The following DNAH5 variants were observed in gnomAD, a reference collection of about 807,000 sequenced individuals.
The protein encoded by DNAH5 is axonemal beta dynein heavy chain 5.
Under a neutral mutation model 518.2 loss-of-function variants are expected in DNAH5, and 372 were observed. That is an observed-to-expected ratio of 0.72 (90% CI 0.66 to 0.78). The LOEUF (loss-of-function observed/expected upper bound fraction) is 0.78, where lower values mean the gene tolerates loss of function less well. Ranked by LOEUF, DNAH5 falls within the 30% of genes least tolerant of loss-of-function variation. The pLI, the probability that DNAH5 is intolerant of heterozygous loss-of-function variation, is 0.00. For synonymous variants in DNAH5, 2,039 were observed against 2,025.9 expected (o/e 1.01, Z -0.17); for missense variants, 5,523 against 5,687.0 (o/e 0.97, Z 0.93).
chr5:13,732,576 C>T (rs1746756053), intron 68 of DNAH5, among the ~76,000 whole-genome samples: 1 of 151,996 alleles, frequency 6.6e-6, no homozygotes, highest in Non-Finnish European at 1.5e-5. Context: ...ACCATGTTGG[C>T]CAGGCTGGTC....
chr5:13,767,247 C>T (rs1404525850), intron 58 of DNAH5, among the ~76,000 whole-genome samples: 2 of 152,164 alleles, frequency 1.3e-5, no homozygotes, highest in Non-Finnish European at 2.9e-5. Context: ...GCCTCAGCCT[C>T]CTGAATAGCT....
At chr5:13,854,695 A>C (rs1386162075) in intron 30 of DNAH5, among the ~76,000 whole-genome samples, 1 of 120,740 alleles carries the variant, frequency 8.3e-6, no homozygotes, top group African/African-American at 2.9e-5. Context: ...AATGGAAAGC[A>C]AAGAAAAAGC....
chr5:13,882,655 G>T, intron 21 of DNAH5, 73 bp downstream of exon 21: 1 of 1,128,324 alleles, frequency 8.9e-7, no homozygotes, highest in South Asian at 1.3e-5. Flanking sequence ...TTACATGGAG[G>T]GGTTAAAAAA....
In DNAH5 at chr5:13,891,073, C is replaced by A. The variant is rs141969815; in HGVS notation, c.2480G>T (p.Arg827Leu). ...LDRVNDLIEF[R>L]IDAILEEMSS... The stretch of plus-strand genomic sequence containing the variant: ...CATTTCTTCTAGAATGGCATCAATG[C>A]GGAACTCAATCAAATCATTGACCCT... The change falls in exon 17 of 79, where the codon CGC (arginine) becomes CTC (leucine). Residue 827 changes from arginine to leucine, a missense_variant. Physicochemically the swap from Arg to Leu is moderately radical, Grantham distance 102 (BLOSUM62 -2). This residue lies in a region of DNAH5 where 5,121 missense variants were observed against 5,223.3 expected (regional missense o/e 0.98). Coordinates refer to ENST00000265104, the MANE Select transcript of DNAH5 (RefSeq NM_001369.3). 3.1e-6 allele frequency: 5 copies of A among 1,614,006 alleles called. No homozygotes were observed. The South Asian group carries it at 4.4e-5, about 14-fold the overall frequency.
rs1446141034 is a variant in DNAH5 at position 13,780,856 on chromosome 5, T to C, written c.8924A>G (p.Tyr2975Cys). Reference protein sequence around the residue: ...LTRLASFIAGYVSFQITLTRS... With the variant: ...LTRLASFIAGCVSFQITLTRS... ...CGTCAGAGTGATCTGGAAGGAAACGTAGCCAGCAATGAATGAAGCCAACCT... is the reference window on the plus strand; with the variant it reads ...CGTCAGAGTGATCTGGAAGGAAACGCAGCCAGCAATGAATGAAGCCAACCT... The change falls in exon 53 of 79, where the codon TAC becomes TGC. Residue 2975 changes from tyrosine (Y) to cysteine (C), a missense_variant. Around this residue, in one of 3 missense-constraint regions of DNAH5, gnomAD observed 5,121 missense variants for 5,223.3 expected, o/e 0.98. Transcript: ENST00000265104. 4 of 1,613,742 alleles carry C rather than the reference T, an allele frequency of 2.5e-6. No homozygotes were observed. The highest frequency in any genetic ancestry group is 3.4e-6 in the Non-Finnish European group (4 of 1,179,746).
intron 1 of DNAH5, among the ~76,000 whole-genome samples, chr5:13,971,530 T>G (rs943863624): frequency 6.6e-6 from 1 of 152,016 alleles, no homozygotes; most frequent in African/African-American, 2.4e-5. Flanking sequence ...CAAACTGCAG[T>G]GATTGTTATT....
rs556194663 is a variant in DNAH5, at chr5:13,691,165, G to C, written c.*819C>G. 16 of 152,026 alleles carry C rather than the reference G, an allele frequency of 1.1e-4. No homozygotes were observed. Among genetic ancestry groups the C allele is most frequent in the African/African-American group, 3.9e-4 (16 of 41,482 alleles). 9.4% of individuals were successfully genotyped at this position (152,026 alleles called of 1,614,324 possible). Reference sequence around the variant, plus strand: ...CTGTTATTAAATGCAATTTTATATAGACTGTTTTCAGTCTTTTAAATTGTT... The same window carrying C: ...CTGTTATTAAATGCAATTTTATATACACTGTTTTCAGTCTTTTAAATTGTT... On this transcript the variant is annotated 3_prime_UTR_variant, in exon 79 of 79. Transcript: ENST00000265104.
Position 13,881,350 on chromosome 5 carries a change from C to T in DNAH5, c.3262+1378G>A, listed in dbSNP as rs914903780. 3.3e-5 allele frequency among the ~76,000 whole-genome samples: 5 copies of T among 151,920 alleles called. 1 individual carries two copies. Among genetic ancestry groups the T allele is most frequent in the Admixed American group, 2.0e-4 (3 of 15,254 alleles). On this transcript the variant is annotated intron_variant, in intron 21 of 78. Transcript: ENST00000265104. ...AACAGAACAGCATATACATTCTTCT[C>T]GAGTGCACACAGAACATTCTCTCTA...
chr5:13,735,472 A>G, intron 67 of DNAH5, 151 bp from the exon 68 acceptor site: 1 of 765,220 alleles, frequency 1.3e-6, no homozygotes, highest in Non-Finnish European at 2.1e-6. Context: ...TAAAATAACA[A>G]GAATTCTCTC....
chr5:13,932,316 A>T (rs1778502885), intron 1 of DNAH5: 2 of 152,350 alleles, frequency 1.3e-5, no homozygotes, highest in Admixed American at 1.3e-4. Context: ...AGGAGCAAAA[A>T]GAAGGGTCTC....
At chr5:13,846,229 C>T (rs113285838) in intron 31 of DNAH5, among the ~76,000 whole-genome samples, 232 of 152,224 alleles carry the variant, frequency 1.5e-3, no homozygotes, top group African/African-American at 5.2e-3. Flanking sequence ...GATTATTCCA[C>T]ACCCAGGTAA....
chr5:13,692,220 G>A, intron 78 of DNAH5, 85 bp from the exon 79 acceptor site: 2 of 1,467,290 alleles, frequency 1.4e-6, no homozygotes, highest in South Asian at 1.2e-5. Flanking sequence ...TCTGCATTCT[G>A]TAGGTCATTT....
intron 61 of DNAH5, among the ~76,000 whole-genome samples, chr5:13,758,273 C>T (rs539037514): frequency 7.8e-4 from 118 of 152,234 alleles, no homozygotes; most frequent in African/African-American, 2.8e-3. Context: ...GAGGCCGAGG[C>T]AGGTGTATCA....
At chr5:13,712,625 A>G (rs1241518438) in intron 75 of DNAH5, among the ~76,000 whole-genome samples, 2 of 152,158 alleles carry the variant, frequency 1.3e-5, no homozygotes, top group Non-Finnish European at 2.9e-5. Context: ...AATCAGTAAG[A>G]AAAAAACAAA....
intron 71 of DNAH5, among the ~76,000 whole-genome samples, chr5:13,720,789 T>C (rs1219367273): frequency 1.3e-5 from 2 of 152,100 alleles, no homozygotes; most frequent in African/African-American, 4.8e-5. Context: ...GAGTAGACCA[T>C]CCACTTTGCT....
chr5:13,933,050 C>T (rs915575236), intron 1 of DNAH5, among the ~76,000 whole-genome samples: 1 of 152,212 alleles, frequency 6.6e-6, no homozygotes, highest in Non-Finnish European at 1.5e-5. Flanking sequence ...TCCCAGTAGC[C>T]TCCACCACCA....
At chr5:13,921,482 CA>C (rs1561577428) in intron 5 of DNAH5, among the ~76,000 whole-genome samples, 32,833 of 134,124 alleles carry the variant, frequency 0.24, 4,505 homozygotes, top group Non-Finnish European at 0.29. Context: ...CTCTCACACA[CA>C]CACACACACA....
At chr5:13,907,770 C>A (rs560249924) in intron 12 of DNAH5, among the ~76,000 whole-genome samples, 2 of 152,082 alleles carry the variant, frequency 1.3e-5, no homozygotes, top group African/African-American at 2.4e-5. Context: ...TTCAGTTAAA[C>A]AAAACATAGA....
intron 1 of DNAH5, among the ~76,000 whole-genome samples, chr5:13,979,875 C>G (rs191798120): frequency 8.3e-4 from 116 of 139,306 alleles, no homozygotes; most frequent in Non-Finnish European, 3.8e-4. Context: ...GAGTCTTGCT[C>G]TGTTGCCCAG....
Sources: allele counts gnomAD v4.1 joint callset (sites outside exome capture counted in the v4.1 genomes callset), GRCh38; gene constraint gnomAD v4.1.1; regional missense constraint gnomAD v4.1.1; transcripts MANE v1.5; gene names NCBI Gene and HGNC (gene_info 2026-07-23, HGNC 2026-07-21).